PPP1R12B: variants seen among roughly 807,000 people sequenced by gnomAD.
The protein encoded by PPP1R12B is protein phosphatase 1 regulatory subunit 12B, also known as myosin phosphatase target subunit 2.
PPP1R12B carries 76 observed loss-of-function variants against 126.1 expected under a neutral mutation model. The observed-to-expected ratio is 0.60, with a 90% CI of 0.50 to 0.73. The LOEUF (loss-of-function observed/expected upper bound fraction) is 0.73. Ranked by LOEUF, PPP1R12B falls within the 30% of genes least tolerant of loss-of-function variation. The probability of loss-of-function intolerance (pLI) is 0.00; values close to 1 mark genes in which losing one functional copy is unlikely to be tolerated. For missense variants in PPP1R12B, 1,052 were observed against 1,205.1 expected (o/e 0.87, Z 1.88); for synonymous variants, 356 against 434.7 (o/e 0.82, Z 2.25).
chr1:202,543,321 G>T (rs1481128031), intron 18 of PPP1R12B, among the ~76,000 whole-genome samples: 1 of 152,100 alleles, frequency 6.6e-6, no homozygotes, highest in Non-Finnish European at 1.5e-5. Context: ...CTCATATATA[G>T]AAGATAGTGC....
At chr1:202,579,986 T>A (rs1346084484) in intron 23 of PPP1R12B, among the ~76,000 whole-genome samples, 1 of 152,260 alleles carries the variant, frequency 6.6e-6, no homozygotes, top group African/African-American at 2.4e-5. Flanking sequence ...AGCCGAGTAC[T>A]GCCTCTCTGG....
intron 1 of PPP1R12B, among the ~76,000 whole-genome samples, chr1:202,363,824 C>T (rs1026193236): frequency 2.0e-5 from 3 of 152,150 alleles, no homozygotes; most frequent in Non-Finnish European, 2.9e-5. Context: ...TGCAGTGGTG[C>T]GATCTTGGCT....
intron 18 of PPP1R12B, among the ~76,000 whole-genome samples, chr1:202,547,313 T>C (rs1353280956): frequency 6.6e-6 from 1 of 152,244 alleles, no homozygotes; most frequent in East Asian, 1.9e-4. Flanking sequence ...TTTTTATTTC[T>C]TTTAAGCCTC....
chr1:202,456,968 G>A (rs1673722498), intron 13 of PPP1R12B, among the ~76,000 whole-genome samples: 1 of 152,168 alleles, frequency 6.6e-6, no homozygotes, highest in Admixed American at 6.5e-5. Context: ...CATAGATGCA[G>A]ACTAACATGT....
chr1:202,573,177 T>C (rs1572554224), intron 23 of PPP1R12B, among the ~76,000 whole-genome samples: 1 of 152,206 alleles, frequency 6.6e-6, no homozygotes, highest in East Asian at 1.9e-4. Flanking sequence ...TGCCCATTGC[T>C]TTAATCTTTT....
At chr1:202,426,556 T>C (rs1244419712) in intron 4 of PPP1R12B, among the ~76,000 whole-genome samples, 1 of 152,200 alleles carries the variant, frequency 6.6e-6, no homozygotes, top group Non-Finnish European at 1.5e-5. Flanking sequence ...GTTGGGAAAA[T>C]ACCCTGAAGA....
intron 18 of PPP1R12B, among the ~76,000 whole-genome samples, chr1:202,550,287 A>G (rs1428431314): frequency 6.6e-6 from 1 of 152,200 alleles, no homozygotes. Context: ...CTACCCAAAC[A>G]GGCTGCTGGA....
At position 202,438,031 on chromosome 1, in the gene PPP1R12B, T is replaced by C. The variant is rs780152743; in HGVS notation, c.1458+7T>C. On this transcript the variant is annotated splice_region_variant and intron_variant, in intron 10 of 23. Coordinates refer to ENST00000608999, the MANE Select transcript of PPP1R12B (RefSeq NM_002481.4). ...ACTGGACAACAAAGATAAGGTGCAG[T>C]TTGGGAGGGTATGGGGGAATTCCAA... The C allele has an allele frequency of 3.1e-6, 5 of 1,613,834 alleles. No individual in the cohort carries two copies. Among genetic ancestry groups the C allele is most frequent in the Non-Finnish European group, 4.2e-6 (5 of 1,179,868 alleles).
intron 13 of PPP1R12B, among the ~76,000 whole-genome samples, chr1:202,460,068 AT>A (rs1428707960): frequency 6.6e-6 from 1 of 152,350 alleles, no homozygotes; most frequent in Middle Eastern, 3.4e-3. Context: ...AATGTAAACA[AT>A]TCCCATTGCT....
rs371905976 is a variant in PPP1R12B at position 202,567,726 on chromosome 1, A to G, written c.2758-52A>G. ...GAAGCTGAACTAGACTGGGCGTTCT[A>G]CTGGCCCTTAGACAACTTAAATAAC... On this transcript the variant is annotated intron_variant, in intron 21 of 23. Transcript: ENST00000608999. 1.7e-4 allele frequency: 274 copies of G among 1,583,880 alleles called. No individual in the cohort carries two copies. The Middle Eastern group carries it at 2.2e-3, about 13-fold the overall frequency.
chr1:202,564,398 G>A, intron 20 of PPP1R12B, 45 bp from the exon 21 acceptor site: 1 of 1,411,200 alleles, frequency 7.1e-7, no homozygotes, highest in Non-Finnish European at 9.9e-7. Context: ...GAAATGGTGT[G>A]AGTTCTAACG....
rs1450947022 is a variant in PPP1R12B, at chr1:202,585,197, A to T, written c.*4637A>T. The T allele has an allele frequency of 6.6e-6, 1 of 152,330 alleles. No individual in the cohort carries two copies. Among genetic ancestry groups the T allele is most frequent in the African/African-American group, 2.4e-5 (1 of 41,444 alleles). The allele number at this position is 152,330 out of a possible 1,614,324, so 9.4% of individuals were successfully genotyped here. A position where few individuals can be genotyped will look rare whatever the true frequency, so the allele number is the denominator to read the frequency against. On this transcript the variant is annotated 3_prime_UTR_variant, in exon 24 of 24. Coordinates refer to ENST00000608999, the MANE Select transcript of PPP1R12B (RefSeq NM_002481.4). ...TTTTTTGTAGAGATGGGGTTTTGCCATGTTGCCCAGGCTGGTCTGAAGCTG... is the reference window on the plus strand; with the variant it reads ...TTTTTTGTAGAGATGGGGTTTTGCCTTGTTGCCCAGGCTGGTCTGAAGCTG...
At chr1:202,406,873 A>G (rs1666682668) in intron 1 of PPP1R12B, among the ~76,000 whole-genome samples, 1 of 152,216 alleles carries the variant, frequency 6.6e-6, no homozygotes, top group African/African-American at 2.4e-5. Context: ...TTACTCAGCT[A>G]TCTCACCTTT....
At chr1:202,474,529 C>T (rs375747835) in intron 13 of PPP1R12B, among the ~76,000 whole-genome samples, 2 of 152,062 alleles carry the variant, frequency 1.3e-5, no homozygotes, top group Admixed American at 6.5e-5. Flanking sequence ...CTGCCCGCCT[C>T]GGCCTCCTAA....
Position 202,488,544 on chromosome 1 carries a change from C to T in PPP1R12B, c.1862C>T (p.Thr621Ile), listed in dbSNP as rs781389863. ...TTTTTTCTCTGCAGGTCCTATCTGA[C>T]TCCTGTACGGGATGAGGAAGCAGAG... ...EAREKRRSYL[T>I]PVRDEEAESL... Residue 621 changes from threonine (T) to isoleucine (I), a missense_variant, in exon 14 of 24, where the codon ACT becomes ATT. Thr to Ile is a moderately conservative substitution (Grantham distance 89, BLOSUM62 -1). Transcript: ENST00000608999. The T allele has an allele frequency of 3.1e-6, 5 of 1,610,330 alleles. No individual in the cohort carries two copies. Among genetic ancestry groups the T allele is most frequent in the South Asian group, 1.1e-5 (1 of 90,484 alleles).
Position 202,431,749 on chromosome 1 carries a change from T to C in PPP1R12B, c.1141+130T>C, listed in dbSNP as rs1027328055. 1.9e-5 allele frequency: 16 copies of C among 863,994 alleles called. No homozygotes were observed. In the African/African-American group the frequency reaches 2.8e-4, roughly 15 times the overall value. The allele number at this position is 863,994 out of a possible 1,614,324, so 53.5% of individuals were successfully genotyped here. A position where few individuals can be genotyped will look rare whatever the true frequency, so the allele number is the denominator to read the frequency against. On this transcript the variant is annotated intron_variant, in intron 8 of 23. Coordinates refer to ENST00000608999, the MANE Select transcript of PPP1R12B (RefSeq NM_002481.4). ...TGAAGTTTAGTTTTCAAGGATAAGA[T>C]ATCAAATTGCCAGTGACCACCTGAT...
intron 18 of PPP1R12B, 141 bp downstream of exon 18, chr1:202,496,963 G>A (rs1383747644): frequency 2.5e-6 from 2 of 787,968 alleles, no homozygotes; most frequent in Non-Finnish European, 4.0e-6. Flanking sequence ...TAAGAGATGG[G>A]GCAGGTGTTA....
At chr1:202,467,192 C>T (rs947171942) in intron 13 of PPP1R12B, among the ~76,000 whole-genome samples, 2 of 151,356 alleles carry the variant, frequency 1.3e-5, no homozygotes, top group African/African-American at 4.9e-5. Flanking sequence ...GCAATGCTGT[C>T]CTCCCTTGTT....
At chr1:202,457,449 A>C in intron 13 of PPP1R12B, among the ~76,000 whole-genome samples, 1 of 151,862 alleles carries the variant, frequency 6.6e-6, no homozygotes, top group East Asian at 1.9e-4. Context: ...GCTACTAAGG[A>C]GGCCGAGGCA....
Sources: allele counts gnomAD v4.1 joint callset (sites outside exome capture counted in the v4.1 genomes callset), GRCh38; gene constraint gnomAD v4.1.1; transcripts MANE v1.5; gene names NCBI Gene and HGNC (gene_info 2026-07-23, HGNC 2026-07-21).